The following DCC variants were observed in gnomAD, a reference collection of about 807,000 sequenced individuals.
DCC encodes DCC netrin 1 receptor.
DCC carries 58 observed loss-of-function variants against 172.5 expected under a neutral mutation model. The observed-to-expected ratio is 0.34, with a 90% CI of 0.27 to 0.42. The LOEUF (loss-of-function observed/expected upper bound fraction) is 0.42, where lower values mean the gene tolerates loss of function less well. DCC is among the 10% of genes least tolerant of loss of function. The probability of loss-of-function intolerance (pLI) is 1.00; values close to 1 mark genes in which losing one functional copy is unlikely to be tolerated. For missense variants in DCC, 1,740 were observed against 1,791.0 expected (o/e 0.97, Z 0.51); for synonymous variants, 709 against 644.5 (o/e 1.10, Z -1.52).
At chr18:53,244,014 A>G (rs1451371823) in intron 12 of DCC, among the ~76,000 whole-genome samples, 3 of 152,140 alleles carry the variant, frequency 2.0e-5, no homozygotes, top group Non-Finnish European at 2.9e-5. Context: ...TATGAAAAAT[A>G]TGAGTTTGCT....
At chr18:52,352,876 C>T (rs1419747081) in intron 1 of DCC, among the ~76,000 whole-genome samples, 1 of 152,158 alleles carries the variant, frequency 6.6e-6, no homozygotes, top group African/African-American at 2.4e-5. Flanking sequence ...ATTTGCATCA[C>T]CTGGGAGCTT....
intron 15 of DCC, among the ~76,000 whole-genome samples, chr18:53,382,104 A>ACACACACACACACC (rs770734401): frequency 2.3e-4 from 12 of 52,952 alleles, no homozygotes; most frequent in African/African-American, 4.9e-4. Context: ...ACACACACAC[A>ACACACACACACACC]CCCCTACCTC....
intron 3 of DCC, among the ~76,000 whole-genome samples, chr18:52,923,495 G>A (rs2040154992): frequency 6.6e-6 from 1 of 152,078 alleles, no homozygotes; most frequent in South Asian, 2.1e-4. Context: ...TCAAGCTGAT[G>A]CCCTATACCA....
At chr18:53,267,758 G>A (rs1248482407) in intron 12 of DCC, among the ~76,000 whole-genome samples, 1 of 152,148 alleles carries the variant, frequency 6.6e-6, no homozygotes, top group Non-Finnish European at 1.5e-5. Flanking sequence ...AAGCCAATGT[G>A]CCCGGCCACA....
In DCC at chr18:52,555,725, GTTA is replaced by G. The variant is rs1205389995; in HGVS notation, c.92-196323_92-196321del. Among the ~76,000 whole-genome samples the G allele has an allele frequency of 9.2e-5, 14 of 152,184 alleles. No homozygotes were observed. The East Asian group carries it at 2.1e-3, about 23-fold the overall frequency. The stretch of plus-strand genomic sequence containing the variant: ...AAGAAGACTGTTTTTTAAAAAATCT[GTTA>G]TTATTTAATTATATCAAACAAAAGG... On this transcript the variant is annotated intron_variant, in intron 1 of 28. Coordinates refer to ENST00000442544, the MANE Select transcript of DCC (RefSeq NM_005215.4).
chr18:52,596,073 A>G (rs2033904574), intron 1 of DCC, among the ~76,000 whole-genome samples: 1 of 152,212 alleles, frequency 6.6e-6, no homozygotes, highest in Non-Finnish European at 1.5e-5. Flanking sequence ...TTTTACAACT[A>G]TTGGCTCCTA....
At chr18:52,825,482 CT>C (rs2038493893) in intron 2 of DCC, among the ~76,000 whole-genome samples, 1 of 151,980 alleles carries the variant, frequency 6.6e-6, no homozygotes, top group African/African-American at 2.4e-5. Flanking sequence ...TTTTGTTTGC[CT>C]TTTTTGTTAT....
intron 1 of DCC, among the ~76,000 whole-genome samples, chr18:52,750,016 G>C (rs2036970531): frequency 2.0e-5 from 3 of 152,132 alleles, no homozygotes; most frequent in Non-Finnish European, 1.5e-5. Context: ...AGGTTTGCTA[G>C]CTTGTGTTTC....
intron 7 of DCC, among the ~76,000 whole-genome samples, chr18:53,092,678 T>C (rs1449641365): frequency 6.6e-6 from 1 of 152,122 alleles, no homozygotes; most frequent in African/African-American, 2.4e-5. Context: ...TTAGCTGATA[T>C]TATTTGGGTG....
chr18:53,351,369 G>GTATATA (rs367935409), intron 15 of DCC, among the ~76,000 whole-genome samples: 4 of 32,384 alleles, frequency 1.2e-4, no homozygotes, highest in African/African-American at 3.7e-4. Context: ...TATATATACT[G>GTATATA]TATATATATA....
chr18:52,602,700 C>T (rs562741351), intron 1 of DCC, among the ~76,000 whole-genome samples: 1 of 151,624 alleles, frequency 6.6e-6, no homozygotes, highest in Admixed American at 6.6e-5. Context: ...TTTTTTTTTA[C>T]AATGAAAAAT....
intron 5 of DCC, among the ~76,000 whole-genome samples, chr18:52,944,891 G>C (rs144703191): frequency 4.3e-4 from 66 of 152,214 alleles, no homozygotes; most frequent in African/African-American, 1.5e-3. Context: ...AGTATCCAAA[G>C]TTTTAGTTGT....
chr18:52,680,635 A>AT (rs2035732624), intron 1 of DCC, among the ~76,000 whole-genome samples: 1 of 152,150 alleles, frequency 6.6e-6, no homozygotes, highest in Non-Finnish European at 1.5e-5. Context: ...CATTATCCCC[A>AT]TGGAACAACA....
intron 14 of DCC, among the ~76,000 whole-genome samples, chr18:53,335,792 C>T (rs1029326700): frequency 2.6e-5 from 4 of 152,110 alleles, no homozygotes; most frequent in Non-Finnish European, 4.4e-5. Context: ...GTTTAATGGA[C>T]TCACAGCTCC....
intron 2 of DCC, among the ~76,000 whole-genome samples, chr18:52,849,093 C>CTGTGTGTG (rs149378500): frequency 5.3e-5 from 8 of 150,266 alleles, no homozygotes; most frequent in African/African-American, 1.7e-4. Context: ...TCAACCTACT[C>CTGTGTGTG]TGTGTGTGTG....
In DCC at chr18:53,439,871, T is replaced by G. The variant is rs1174087472; in HGVS notation, c.3229+4662T>G. 2.7e-5 allele frequency among the ~76,000 whole-genome samples: 4 copies of G among 148,838 alleles called. No individual in the cohort carries two copies. The East Asian group carries it at 7.9e-4, about 29-fold the overall frequency. On this transcript the variant is annotated intron_variant, in intron 22 of 28. Transcript: ENST00000442544. ...GCTCCGCCTCCCGGGTTCACGCCATTCTCCTGCCTCAGCCTCCCAAGTAGC... is the reference window on the plus strand; with the variant it reads ...GCTCCGCCTCCCGGGTTCACGCCATGCTCCTGCCTCAGCCTCCCAAGTAGC...
In DCC at chr18:53,386,138, G is replaced by T. The variant is rs181197485; in HGVS notation, c.2455G>T (p.Asp819Tyr). 1.9e-6 allele frequency: 3 copies of T among 1,587,780 alleles called. No individual in the cohort carries two copies. The highest frequency in any genetic ancestry group is 3.3e-5 in the Admixed American group (2 of 59,964). ...YESATTRSIT[D>Y]PTDPVDYYPL... ...AAGTGCCACCACCAGGTCTATAACC[G>T]GTAAGTGAAATTGTTAATCTTCCTC... Residue 819 changes from aspartate (D) to tyrosine (Y), a missense_variant and splice_region_variant, in exon 16 of 29, where the codon GAT becomes TAT. Coordinates refer to ENST00000442544, the MANE Select transcript of DCC (RefSeq NM_005215.4).
chr18:53,231,424 C>T (rs908908735), intron 12 of DCC, among the ~76,000 whole-genome samples: 1 of 152,094 alleles, frequency 6.6e-6, no homozygotes, highest in Non-Finnish European at 1.5e-5. Context: ...TAACTATCAA[C>T]ATCTGTATGT....
chr18:52,831,771 T>C (rs2038618066), intron 2 of DCC, among the ~76,000 whole-genome samples: 1 of 152,092 alleles, frequency 6.6e-6, no homozygotes, highest in Non-Finnish European at 1.5e-5. Flanking sequence ...TGGCAGATAA[T>C]ATACAAATGT....
Sources: allele counts gnomAD v4.1 joint callset (sites outside exome capture counted in the v4.1 genomes callset), GRCh38; gene constraint gnomAD v4.1.1; transcripts MANE v1.5; gene names NCBI Gene and HGNC (gene_info 2026-07-23, HGNC 2026-07-21).